Variants in THRAP3 observed in about 807,000 individuals in gnomAD.
The protein encoded by THRAP3 is thyroid hormone receptor associated protein 3, also known as thyroid hormone receptor-associated protein 3.
In THRAP3, 16 loss-of-function variants were observed where a neutral mutation model predicts 101.0. The ratio of observed to expected loss-of-function variants is 0.16; its 90% confidence interval spans 0.11 to 0.24. The LOEUF (loss-of-function observed/expected upper bound fraction) is 0.24, where lower values mean the gene tolerates loss of function less well. Among genes scored for constraint, THRAP3 ranks in the 10% least tolerant of loss-of-function variants. THRAP3 has a pLI of 1.00. For synonymous variants in THRAP3, 407 were observed against 422.6 expected (o/e 0.96, Z 0.45); for missense variants, 989 against 1,202.7 (o/e 0.82, Z 2.63).
rs770791800 is a variant in THRAP3 at position 36,265,599 on chromosome 1, A to G, written c.-32+6115A>G. Among the ~76,000 whole-genome samples, 42 of 152,100 alleles carry G rather than the reference A, an allele frequency of 2.8e-4. No homozygotes were observed. In the South Asian group the frequency reaches 3.3e-3, roughly 12 times the overall value. On this transcript the variant is annotated intron_variant, in intron 2 of 11. Coordinates refer to ENST00000354618, the MANE Select transcript of THRAP3 (RefSeq NM_005119.4). ...CCATATTTTTGAAGCATAAACTCCA[A>G]TTTTACCAAATAACTGTAAAGTATA... is the stretch of plus-strand genomic sequence containing the variant.
chr1:36,262,959 A>ATTTTTTTTTTT (rs55662646), intron 2 of THRAP3, among the ~76,000 whole-genome samples: 117 of 104,352 alleles, frequency 1.1e-3, no homozygotes, highest in Non-Finnish European at 1.6e-3. Context: ...GGGCCGGCTA[A>ATTTTTTTTTTT]TTTTTTTTTT....
chr1:36,218,290 A>T, the THRAP3 span, among the ~76,000 whole-genome samples: 1 of 150,026 alleles, frequency 6.7e-6, no homozygotes, highest in Non-Finnish European at 1.5e-5. Context: ...AATCGCTTGA[A>T]ATCAGGAGGC....
intron 9 of THRAP3, among the ~76,000 whole-genome samples, chr1:36,298,486 AT>A (rs1217391583): frequency 5.3e-5 from 8 of 152,016 alleles, no homozygotes; most frequent in African/African-American, 1.9e-4. Flanking sequence ...GTATTCTGTG[AT>A]TTATTTATTT....
At chr1:36,229,221 C>T (rs1340420213) in intron 1 of THRAP3, among the ~76,000 whole-genome samples, 1 of 151,902 alleles carries the variant, frequency 6.6e-6, no homozygotes, top group African/African-American at 2.4e-5. Context: ...CCTCAGCTTC[C>T]CAGGTAGCTT....
chr1:36,290,477 C>T (rs567856882), intron 5 of THRAP3, among the ~76,000 whole-genome samples: 7 of 149,038 alleles, frequency 4.7e-5, no homozygotes, highest in South Asian at 2.1e-4. Flanking sequence ...GCGTGAGCAC[C>T]GCACCCAGCC....
At chr1:36,263,631 C>T (rs992002549) in intron 2 of THRAP3, among the ~76,000 whole-genome samples, 4 of 152,114 alleles carry the variant, frequency 2.6e-5, no homozygotes, top group Non-Finnish European at 5.9e-5. Flanking sequence ...CTGTTACTGT[C>T]CCTGAGAGAC....
intron 1 of THRAP3, among the ~76,000 whole-genome samples, chr1:36,233,956 T>G (rs565448011): frequency 6.6e-6 from 1 of 152,262 alleles, no homozygotes; most frequent in Admixed American, 6.5e-5. Context: ...TTTCATTTTT[T>G]CTTTTTCTTT....
At chr1:36,242,773 T>C (rs1211714601) in intron 1 of THRAP3, among the ~76,000 whole-genome samples, 2 of 152,308 alleles carry the variant, frequency 1.3e-5, no homozygotes, top group South Asian at 2.1e-4. Context: ...TTCTAAGGCA[T>C]ATAGATAGAT....
chr1:36,268,248 T>A (rs1645538462), intron 2 of THRAP3, among the ~76,000 whole-genome samples: 1 of 146,514 alleles, frequency 6.8e-6, no homozygotes, highest in African/African-American at 2.5e-5. Flanking sequence ...GTCAGCATCA[T>A]TTTTTTTTTT....
chr1:36,260,817 G>T (rs575982615), intron 2 of THRAP3, among the ~76,000 whole-genome samples: 1 of 126,330 alleles, frequency 7.9e-6, no homozygotes. Context: ...GCAAGACTAC[G>T]TCTCAAAAAA....
chr1:36,233,039 T>C (rs893453313), intron 1 of THRAP3, among the ~76,000 whole-genome samples: 1 of 151,624 alleles, frequency 6.6e-6, no homozygotes, highest in Non-Finnish European at 1.5e-5. Flanking sequence ...CAGCTAATTT[T>C]TGTGTTTTTA....
At chr1:36,229,169 C>T (rs1644995850) in intron 1 of THRAP3, among the ~76,000 whole-genome samples, 1 of 152,084 alleles carries the variant, frequency 6.6e-6, no homozygotes, top group Non-Finnish European at 1.5e-5. Flanking sequence ...GCGATCTTGG[C>T]TTGCTGCAAC....
chr1:36,292,252 G>GTTTTT (rs1557453511), intron 6 of THRAP3, among the ~76,000 whole-genome samples: 1 of 57,502 alleles, frequency 1.7e-5, no homozygotes, highest in Non-Finnish European at 3.3e-5. Context: ...AACATAATGT[G>GTTTTT]TTTCTTTGTT....
intron 3 of THRAP3, among the ~76,000 whole-genome samples, chr1:36,284,459 A>G (rs1166929394): frequency 1.3e-5 from 2 of 152,076 alleles, no homozygotes; most frequent in Non-Finnish European, 2.9e-5. Flanking sequence ...TTCAGTTTTT[A>G]TTTCTGGCTT....
intron 1 of THRAP3, among the ~76,000 whole-genome samples, chr1:36,230,272 CCATG>C (rs1450452348): frequency 1.3e-5 from 2 of 151,942 alleles, no homozygotes; most frequent in Non-Finnish European, 1.5e-5. Context: ...GCATGGGCCA[CCATG>C]CCCGGCTAAT....
the THRAP3 span, among the ~76,000 whole-genome samples, chr1:36,212,632 C>T: frequency 6.6e-6 from 1 of 152,050 alleles, no homozygotes; most frequent in Non-Finnish European, 1.5e-5. Context: ...GTTGGCCACA[C>T]TGGTCTCGAA....
At chr1:36,214,051 A>AAAGAAAGG in the THRAP3 span, among the ~76,000 whole-genome samples, 5 of 126,876 alleles carry the variant, frequency 3.9e-5, no homozygotes, top group South Asian at 2.3e-4. Flanking sequence ...AGAAAGAAAG[A>AAAGAAAGG]AAGAAAGAAA....
chr1:36,251,447 CCT>C lies in THRAP3; in HGVS notation c.-134-7930_-134-7929del, dbSNP rs139599054. Among the ~76,000 whole-genome samples the C allele has an allele frequency of 9.7e-3, 1,482 of 152,274 alleles. 27 individuals are homozygous for C. The highest frequency in any genetic ancestry group is 0.034 in the African/African-American group (1,395 of 41,554). ...GGTGCATCAGTTGGCATGTTTGATT[CCT>C]CTCTGTGTTGTACATTGAGACCTTG... On this transcript the variant is annotated intron_variant, in intron 1 of 11. Coordinates refer to ENST00000354618, the MANE Select transcript of THRAP3 (RefSeq NM_005119.4).
intron 1 of THRAP3, among the ~76,000 whole-genome samples, chr1:36,233,538 G>A (rs1301606298): frequency 6.7e-6 from 1 of 150,362 alleles, no homozygotes; most frequent in Non-Finnish European, 1.5e-5. Context: ...GTTGATTTAA[G>A]GCTGGGCACA....
Sources: gnomAD v4.1 joint callset for allele counts (sites outside exome capture counted in the v4.1 genomes callset) on GRCh38, gnomAD v4.1.1 for gene constraint, MANE v1.5 for transcripts, NCBI Gene and HGNC (gene_info 2026-07-23, HGNC 2026-07-21) for gene names.